Variants in ARHGAP8 observed in about 807,000 individuals in gnomAD.
ARHGAP8 encodes rho GTPase-activating protein 8.
In ARHGAP8, 62 loss-of-function variants were observed where a neutral mutation model predicts 46.1. The observed-to-expected ratio is 1.34, with a 90% CI of 1.10 to 1.66. The LOEUF (loss-of-function observed/expected upper bound fraction) is 1.66. Ranked by LOEUF, ARHGAP8 falls within the 40% of genes most tolerant of loss-of-function variation. ARHGAP8 has a pLI of 0.00. For synonymous variants in ARHGAP8, 375 were observed against 243.1 expected (o/e 1.54, Z -5.05); for missense variants, 923 against 568.4 (o/e 1.62, Z -6.34).
At chr22:44,798,006 T>C (rs1928218421) in intron 2 of ARHGAP8, among the ~76,000 whole-genome samples, 1 of 140,210 alleles carries the variant, frequency 7.1e-6, no homozygotes, top group African/African-American at 2.7e-5. Flanking sequence ...TGAGACAAAG[T>C]CTCACTCTTG....
At chr22:44,856,464 G>A (rs1265693112) in intron 10 of ARHGAP8, among the ~76,000 whole-genome samples, 3 of 151,898 alleles carry the variant, frequency 2.0e-5, no homozygotes, top group African/African-American at 4.8e-5. Flanking sequence ...AGTAGAGACG[G>A]GGTTTCACCG....
chr22:44,772,304 C>T lies in ARHGAP8; in HGVS notation c.-71-14153C>T, dbSNP rs551394721. Among the ~76,000 whole-genome samples the T allele has an allele frequency of 1.9e-4, 23 of 118,334 alleles. No homozygotes were observed. The East Asian group carries it at 5.3e-3, about 27-fold the overall frequency. 77.6% of individuals were successfully genotyped at this position (118,334 alleles called of 152,430 possible). A position where few individuals can be genotyped will look rare whatever the true frequency, so the allele number is the denominator to read the frequency against. ...CTGGAGTGCAGTGGCATGATCTCAG[C>T]TCACTGCAAACTACACTGATTGACT... On this transcript the variant is annotated intron_variant, in intron 1 of 11. Coordinates refer to ENST00000356099, the MANE Select transcript of ARHGAP8 (RefSeq NM_181335.3).
chr22:44,854,755 C>T (rs2070180515), intron 10 of ARHGAP8, among the ~76,000 whole-genome samples: 1 of 152,224 alleles, frequency 6.6e-6, no homozygotes, highest in Non-Finnish European at 1.5e-5. Flanking sequence ...TCTCCCACCT[C>T]AGCCTCCCGA....
At chr22:44,761,920 A>C (rs1485002273) in intron 1 of ARHGAP8, among the ~76,000 whole-genome samples, 11 of 152,226 alleles carry the variant, frequency 7.2e-5, no homozygotes, top group Admixed American at 7.2e-4. Context: ...TAAAACCATC[A>C]GATCTCATGA....
At chr22:44,802,279 C>T (rs1928615190) in intron 3 of ARHGAP8, 115 bp downstream of exon 3, 1 of 1,346,670 alleles carries the variant, frequency 7.4e-7, no homozygotes, top group Non-Finnish European at 1.0e-6. Context: ...CCTTTGTGAC[C>T]TTGCTGGTGT....
intron 3 of ARHGAP8, among the ~76,000 whole-genome samples, chr22:44,802,911 G>A (rs188541374): frequency 2.2e-4 from 33 of 152,218 alleles, no homozygotes; most frequent in African/African-American, 6.5e-4. Flanking sequence ...CCCTATTTCC[G>A]AATAAGGTCA....
chr22:44,827,453 C>T (rs911455382), intron 7 of ARHGAP8, among the ~76,000 whole-genome samples: 1 of 142,532 alleles, frequency 7.0e-6, no homozygotes, highest in African/African-American at 2.6e-5. Context: ...AGCAATTCTC[C>T]TGCCTCAGCC....
chr22:44,841,273 G>C (rs1039087849), intron 7 of ARHGAP8, among the ~76,000 whole-genome samples: 1 of 152,124 alleles, frequency 6.6e-6, no homozygotes, highest in Non-Finnish European at 1.5e-5. Flanking sequence ...CTGTGCGAGC[G>C]TGATTTGCCG....
chr22:44,826,217 C>T (rs1930514163), intron 7 of ARHGAP8, among the ~76,000 whole-genome samples: 1 of 152,104 alleles, frequency 6.6e-6, no homozygotes, highest in Non-Finnish European at 1.5e-5. Flanking sequence ...GGTCACTCTG[C>T]ATCCCTGATC....
chr22:44,822,497 G>A (rs762065469), intron 6 of ARHGAP8, 28 bp downstream of exon 6: 22 of 1,505,022 alleles, frequency 1.5e-5, no homozygotes, highest in Middle Eastern at 1.7e-4. Flanking sequence ...CCCAGAAGCC[G>A]CATCAATACA....
At chr22:44,824,190 G>A (rs1338375536) in intron 6 of ARHGAP8, among the ~76,000 whole-genome samples, 2 of 152,122 alleles carry the variant, frequency 1.3e-5, no homozygotes, top group Non-Finnish European at 2.9e-5. Flanking sequence ...GTGACCTGGG[G>A]CATGTCACCA....
At chr22:44,756,548 C>A (rs1044476866) in intron 1 of ARHGAP8, among the ~76,000 whole-genome samples, 1 of 151,696 alleles carries the variant, frequency 6.6e-6, no homozygotes, top group South Asian at 2.1e-4. Flanking sequence ...AGCCACCCTG[C>A]AGCCAACCTG....
chr22:44,810,468 C>A (rs1468755159), intron 4 of ARHGAP8, among the ~76,000 whole-genome samples: 1 of 152,072 alleles, frequency 6.6e-6, no homozygotes, highest in African/African-American at 2.4e-5. Flanking sequence ...TCTTGAACTC[C>A]TGACCTCGTG....
chr22:44,768,841 T>C (rs1925793643), intron 1 of ARHGAP8, among the ~76,000 whole-genome samples: 1 of 103,670 alleles, frequency 9.6e-6, no homozygotes, highest in African/African-American at 3.0e-5. Context: ...TGTGTTTTTC[T>C]TTTTTTTTTT....
chr22:44,801,437 G>GC (rs1297842779), intron 2 of ARHGAP8, among the ~76,000 whole-genome samples: 8 of 130,392 alleles, frequency 6.1e-5, no homozygotes, highest in South Asian at 2.6e-4. Context: ...ATGTGTGGGG[G>GC]CACCTCTCCC....
chr22:44,854,084 A>G (rs1000956286), intron 10 of ARHGAP8, among the ~76,000 whole-genome samples: 1 of 140,038 alleles, frequency 7.1e-6, no homozygotes, highest in Non-Finnish European at 1.5e-5. Flanking sequence ...TGCCTGCAGT[A>G]TCTGTAGATT....
intron 7 of ARHGAP8, among the ~76,000 whole-genome samples, chr22:44,839,724 C>G (rs1931528914): frequency 6.6e-6 from 1 of 152,234 alleles, no homozygotes; most frequent in Non-Finnish European, 1.5e-5. Flanking sequence ...AGACTTCACA[C>G]TCAGCCCGGT....
intron 1 of ARHGAP8, among the ~76,000 whole-genome samples, chr22:44,755,849 C>G (rs1285998125): frequency 1.3e-5 from 2 of 152,122 alleles, no homozygotes; most frequent in Non-Finnish European, 2.9e-5. Context: ...CGGGATGGGG[C>G]CTGCCTTCCT....
At chr22:44,813,489 GTACA>G (rs1371848115) in intron 4 of ARHGAP8, among the ~76,000 whole-genome samples, 1 of 147,648 alleles carries the variant, frequency 6.8e-6, no homozygotes. Context: ...ACACCTACAT[GTACA>G]TACACTTACA....
Sources: gnomAD v4.1 joint callset for allele counts (sites outside exome capture counted in the v4.1 genomes callset) on GRCh38, gnomAD v4.1.1 for gene constraint, MANE v1.5 for transcripts, NCBI Gene and HGNC (gene_info 2026-07-23, HGNC 2026-07-21) for gene names.